KAZN: variants seen among roughly 807,000 people sequenced by gnomAD.
KAZN encodes the protein kazrin.
KAZN carries 40 observed loss-of-function variants against 87.4 expected under a neutral mutation model. The ratio of observed to expected loss-of-function variants is 0.46; its 90% CI spans 0.36 to 0.60. The LOEUF is 0.60. Among genes scored for constraint, KAZN ranks in the 20% least tolerant of loss-of-function variants. The probability of loss-of-function intolerance (pLI) is 0.00; values close to 1 mark genes in which losing one functional copy is unlikely to be tolerated. For synonymous variants in KAZN, 466 were observed against 458.3 expected (o/e 1.02, Z -0.22); for missense variants, 898 against 1,073.9 (o/e 0.84, Z 2.29).
chr1:15,104,381 G>T (rs1387008059), intron 13 of KAZN, among the ~76,000 whole-genome samples, 192 bp downstream of exon 13: 1 of 152,210 alleles, frequency 6.6e-6, no homozygotes, highest in East Asian at 1.9e-4. Context: ...TAGCCTGAAG[G>T]TCATAGACTA....
chr1:14,763,796 C>T (rs1644808211), intron 1 of KAZN, among the ~76,000 whole-genome samples: 1 of 152,208 alleles, frequency 6.6e-6, no homozygotes. Context: ...GTTGCCCAGG[C>T]TGCAGTGCAA....
At chr1:15,093,504 G>T (rs796905740) in intron 8 of KAZN, among the ~76,000 whole-genome samples, 1 of 152,094 alleles carries the variant, frequency 6.6e-6, no homozygotes, top group Non-Finnish European at 1.5e-5. Context: ...ATGTAAGAGG[G>T]GGGCGGGGGA....
chr1:14,423,865 T>A (rs1479953913), intron 2 of KAZN, among the ~76,000 whole-genome samples: 1 of 152,118 alleles, frequency 6.6e-6, no homozygotes, highest in Non-Finnish European at 1.5e-5. Context: ...CTAGAGACAA[T>A]GTAAGGCTGG....
intron 2 of KAZN, among the ~76,000 whole-genome samples, chr1:14,301,740 G>A (rs558482463): frequency 1.1e-4 from 17 of 152,288 alleles, no homozygotes; most frequent in African/African-American, 4.1e-4. Flanking sequence ...GCATTCACGG[G>A]AGGCAGGTCC....
At chr1:14,252,532 T>C (rs1650138034) in intron 2 of KAZN, among the ~76,000 whole-genome samples, 1 of 152,180 alleles carries the variant, frequency 6.6e-6, no homozygotes, top group Non-Finnish European at 1.5e-5. Context: ...GCCTGGAACA[T>C]TCCTGTCCAG....
chr1:13,901,120 C>T lies in KAZN; in HGVS notation c.91+7364C>T, dbSNP rs561576654. On this transcript the variant is annotated intron_variant, in intron 1 of 16. Coordinates refer to the KAZN transcript ENST00000636203. ...TTGATTCCCAAGGCCAAGAACCGAC[C>T]GGTTATAAAAACAGCCACCCCCCGT... Among the ~76,000 whole-genome samples, 231 of 152,042 alleles carry T rather than the reference C, an allele frequency of 1.5e-3. 1 individual carries two copies. Among genetic ancestry groups the T allele is most frequent in the African/African-American group, 5.3e-3 (218 of 41,488 alleles).
At chr1:15,000,926 A>C (rs1009437965) in intron 2 of KAZN, among the ~76,000 whole-genome samples, 3 of 151,780 alleles carry the variant, frequency 2.0e-5, no homozygotes, top group African/African-American at 7.3e-5. Flanking sequence ...CAACATAGCA[A>C]GACCCTATCT....
At position 14,774,391 on chromosome 1, in the gene KAZN, C is replaced by CTCT. The variant is rs1557475930; in HGVS notation, c.226+175168_226+175169insTCT. 5.3e-5 allele frequency among the ~76,000 whole-genome samples: 8 copies of CTCT among 151,950 alleles called. No homozygotes were observed. The East Asian group carries it at 1.5e-3, about 29-fold the overall frequency. On this transcript the variant is annotated intron_variant, in intron 1 of 14. Transcript: ENST00000376030. Reference sequence around the variant, plus strand: ...GAAACTCAGCAAACAAATGGTTCTCCGCTTATCTCCTCCCTTTCCCCTTCT... The same window carrying CTCT: ...GAAACTCAGCAAACAAATGGTTCTCCTCTGCTTATCTCCTCCCTTTCCCCTTCT...
chr1:14,188,195 G>A (rs549756617), intron 2 of KAZN, among the ~76,000 whole-genome samples: 21 of 4,296 alleles, frequency 4.9e-3, no homozygotes, highest in African/African-American at 0.021. Flanking sequence ...AGAGAGGAGC[G>A]TGTGTGTGTG....
intron 2 of KAZN, among the ~76,000 whole-genome samples, chr1:14,440,975 C>T (rs1415500993): frequency 1.3e-5 from 2 of 152,156 alleles, no homozygotes; most frequent in East Asian, 3.9e-4. Flanking sequence ...CCCCCAGTCC[C>T]CAGATGACTA....
chr1:14,402,238 C>CAAA (rs58468082), intron 2 of KAZN, among the ~76,000 whole-genome samples: 3 of 140,272 alleles, frequency 2.1e-5, no homozygotes, highest in African/African-American at 7.9e-5. Flanking sequence ...TTCTATAGGC[C>CAAA]AAAAAAAAAA....
intron 1 of KAZN, among the ~76,000 whole-genome samples, chr1:14,950,473 C>T (rs971151985): frequency 7.2e-5 from 11 of 152,162 alleles, no homozygotes; most frequent in African/African-American, 2.2e-4. Flanking sequence ...TGACGCCAAG[C>T]CTAGGCTTAC....
intron 2 of KAZN, among the ~76,000 whole-genome samples, chr1:14,557,629 G>GGTGTGTGT (rs59563758): frequency 5.8e-5 from 8 of 137,938 alleles, no homozygotes; most frequent in African/African-American, 1.9e-4. Context: ...GGTGTGTGTG[G>GGTGTGTGT]GTGTGTGTGT....
chr1:14,897,967 A>T (rs1041847434), intron 1 of KAZN, among the ~76,000 whole-genome samples: 1 of 152,222 alleles, frequency 6.6e-6, no homozygotes, highest in African/African-American at 2.4e-5. Context: ...GCAGCTATGG[A>T]GGAAACACCC....
In KAZN at chr1:14,872,044, C is replaced by T. The variant is rs182522536; in HGVS notation, c.227-88640C>T. 5.3e-5 allele frequency among the ~76,000 whole-genome samples: 8 copies of T among 152,298 alleles called. No individual in the cohort carries two copies. In the East Asian group the frequency reaches 1.4e-3, roughly 26 times the overall value. On this transcript the variant is annotated intron_variant, in intron 1 of 14. Coordinates refer to ENST00000376030, the MANE Select transcript of KAZN (RefSeq NM_201628.3). ...CAAGAGGCTATTGCTGGCAGATAAA[C>T]ATCTAAATTCCTGCACTCCTGTATC...
chr1:14,193,871 A>G lies in KAZN; in HGVS notation c.249+13279A>G, dbSNP rs77192819. Among the ~76,000 whole-genome samples, 837 of 152,266 alleles carry G rather than the reference A, an allele frequency of 5.5e-3. 8 individuals are homozygous for G. The highest frequency in any genetic ancestry group is 0.019 in the African/African-American group (780 of 41,558). ...GGTCCTCTAAGAGCCCAGGCTTGGCATAGCAGGCGGCTGTGTTTTAACAGC... is the reference window on the plus strand; with the variant it reads ...GGTCCTCTAAGAGCCCAGGCTTGGCGTAGCAGGCGGCTGTGTTTTAACAGC... On this transcript the variant is annotated intron_variant, in intron 2 of 16. Coordinates refer to the KAZN transcript ENST00000636203.
intron 8 of KAZN, among the ~76,000 whole-genome samples, chr1:15,074,228 G>A (rs74059811): frequency 0.032 from 4,889 of 152,344 alleles, 253 homozygotes; most frequent in African/African-American, 0.11. Flanking sequence ...TGCAGCCACC[G>A]TGTTGGAGGG....
intron 1 of KAZN, among the ~76,000 whole-genome samples, chr1:14,702,293 G>C (rs1329901505): frequency 1.3e-5 from 2 of 149,850 alleles, no homozygotes; most frequent in East Asian, 4.0e-4. Flanking sequence ...ATGGGCTCTA[G>C]GGTTTCTGGA....
intron 2 of KAZN, among the ~76,000 whole-genome samples, chr1:14,993,965 G>A (rs16849136): frequency 0.074 from 11,288 of 152,216 alleles, 1,359 homozygotes; most frequent in African/African-American, 0.26. Flanking sequence ...GGGACTTCTG[G>A]GTGTGTTTGT....
Sources: allele counts gnomAD v4.1 joint callset (sites outside exome capture counted in the v4.1 genomes callset), GRCh38; gene constraint gnomAD v4.1.1; transcripts MANE v1.5; gene names NCBI Gene and HGNC (gene_info 2026-07-23, HGNC 2026-07-21).